Variants in C2orf81 observed in about 807,000 individuals in gnomAD.
C2orf81 encodes the protein chromosome 2 open reading frame 81.
In C2orf81, 5 loss-of-function variants were observed where a neutral mutation model predicts 7.9. The observed-to-expected ratio is 0.63, with a 90% CI of 0.33 to 1.33. C2orf81 has a LOEUF of 1.33. C2orf81 is among the 40% of genes most tolerant of loss of function. The probability of loss-of-function intolerance (pLI) is 0.05; values close to 1 mark genes in which losing one functional copy is unlikely to be tolerated. For missense variants in C2orf81, 781 were observed against 830.4 expected, an observed-to-expected ratio of 0.94 and a Z score of 0.73; for synonymous variants, 346 against 367.4, an observed-to-expected ratio of 0.94 and a Z score of 0.66.
chr2:74,417,702 G>A (rs1273236325), intron 1 of C2orf81: 1 of 576,064 alleles, frequency 1.7e-6, no homozygotes, highest in Non-Finnish European at 2.8e-6. Flanking sequence ...CCCCTTTTAA[G>A]ACCAGGGGAA....
In C2orf81 at chr2:74,421,595, C is replaced by T. The variant is rs931452151; in HGVS notation, c.-35G>A. On this transcript the variant is annotated 5_prime_UTR_variant, in exon 1 of 3. Transcript: ENST00000684111. ...GGTCGCAGCAACGCTGGTGTTTCTG[C>T]TGCATCCGGGCCGCGTAAGCCACCT... 3.7e-5 allele frequency: 16 copies of T among 428,424 alleles called. No individual in the cohort carries two copies. Among genetic ancestry groups the T allele is most frequent in the Admixed American group, 2.2e-4 (5 of 23,230 alleles). 26.5% of individuals were successfully genotyped at this position (428,424 alleles called of 1,614,324 possible).
rs1311098995 is a variant in C2orf81 at position 74,416,141 on chromosome 2, C to G, written c.119G>C (p.Gly40Ala). ...VPVPQVDIVPGRLSEAEWMAL... is the reference protein window; with the variant it reads ...VPVPQVDIVPARLSEAEWMAL... ...CATCCACTCGGCCTCACTGAGCCGC[C>G]CAGGCACAATATCCACCTGCGGCAC... Residue 40 changes from glycine (G) to alanine (A), a missense_variant, in exon 2 of 3, where the codon GGG (glycine) becomes GCG (alanine). Gly to Ala is a moderately conservative substitution (Grantham distance 60). Transcript: ENST00000684111. The G allele has an allele frequency of 1.5e-5, 23 of 1,520,208 alleles. No individual in the cohort carries two copies. Among genetic ancestry groups the G allele is most frequent in the Non-Finnish European group, 1.9e-5 (21 of 1,127,554 alleles). 94.2% of individuals were successfully genotyped at this position (1,520,208 alleles called of 1,614,324 possible).
In C2orf81 at chr2:74,414,879, G is replaced by GCTGCC; in HGVS notation, c.1293_1297dup (p.Ala433GlyfsTer27). 4 of 1,548,286 alleles carry GCTGCC rather than the reference G, an allele frequency of 2.6e-6. No individual in the cohort carries two copies. Among genetic ancestry groups the GCTGCC allele is most frequent in the Non-Finnish European group, 3.5e-6 (4 of 1,144,748 alleles). On this transcript the variant is annotated frameshift_variant, in exon 3 of 3. Transcript: ENST00000684111. LOFTEE classifies it low-confidence loss of function (END_TRUNC). This position sits in a 1 kb window ranked among gnomAD's most constrained non-coding sequence, Gnocchi z 5.3. ...AATGCCTGGCCGGAGAGGGAAGAAC[G>GCTGCC]CTGCCGGGGAGACACGGGTGCCGGG...
intron 1 of C2orf81, chr2:74,418,366 C>T (rs767576045): frequency 6.3e-6 from 10 of 1,596,242 alleles, no homozygotes; most frequent in Admixed American, 3.3e-5. Context: ...CGGCCTGCCA[C>T]GGCCCCGCTT....
chr2:74,420,284 A>G (rs2103843245), intron 1 of C2orf81, among the ~76,000 whole-genome samples: 1 of 150,564 alleles, frequency 6.6e-6, no homozygotes, highest in South Asian at 2.1e-4. Context: ...TTTTGTAATC[A>G]CTTAAAAAAA....
rs1403408434 is a variant in C2orf81 at position 74,415,179 on chromosome 2, A to G, written c.998T>C (p.Val333Ala). 1.3e-6 allele frequency: 2 copies of G among 1,489,880 alleles called. No homozygotes were observed. Among genetic ancestry groups the G allele is most frequent in the African/African-American group, 4.5e-5 (2 of 44,502 alleles). 92.3% of individuals were successfully genotyped at this position (1,489,880 alleles called of 1,614,324 possible). A position where few individuals can be genotyped will look rare whatever the true frequency, so the allele number is the denominator to read the frequency against. The change falls in exon 3 of 3, where the codon GTG becomes GCG. Residue 333 changes from valine (V) to alanine (A), a missense_variant. Transcript: ENST00000684111. This position sits in a 1 kb window ranked among gnomAD's most constrained non-coding sequence, Gnocchi z 5.5. ...GVPCIASGVL[V>A]SYPSVGGATR... ...GGCGCCGCCCACAGAGGGGTAGGAC[A>G]CCAACACGCCCGAGGCGATGCAGGG...
At position 74,416,924 on chromosome 2, in the gene C2orf81, G is replaced by C. The variant is rs1029916927; in HGVS notation, c.19-683C>G. ...ATGGCTACCCCTCCCTGACAGACCC[G>C]GGGGAGCAGGTGGCCCCTACATGCT... On this transcript the variant is annotated intron_variant, in intron 1 of 2. Transcript: ENST00000684111. 3.9e-5 allele frequency among the ~76,000 whole-genome samples: 6 copies of C among 152,066 alleles called. No individual in the cohort carries two copies. In the South Asian group the frequency reaches 6.2e-4, roughly 16 times the overall value.
chr2:74,418,042 A>C, intron 1 of C2orf81: 1 of 412,972 alleles, frequency 2.4e-6, no homozygotes, highest in Non-Finnish European at 4.4e-6. Flanking sequence ...GGCGGTGGTG[A>C]TGGTGGGTGT....
At chr2:74,417,257 T>G (rs1007534608) in intron 1 of C2orf81, 26 of 622,052 alleles carry the variant, frequency 4.2e-5, no homozygotes, top group East Asian at 8.2e-5. Flanking sequence ...GTGGGAAGGG[T>G]GAGCTCCTTG....
At chr2:74,416,578 A>G (rs967742165) in intron 1 of C2orf81, 2 of 158,366 alleles carry the variant, frequency 1.3e-5, no homozygotes, top group African/African-American at 4.9e-5. Flanking sequence ...AAAAAAAAAA[A>G]AAAAAAAAAA....
chr2:74,418,022 G>A (rs1224082171), intron 1 of C2orf81: 3 of 515,166 alleles, frequency 5.8e-6, no homozygotes, highest in Non-Finnish European at 1.1e-5. Flanking sequence ...AGATGAGGGT[G>A]GTGGCTGGAG....
rs1426878549 is a variant in C2orf81 at position 74,416,185 on chromosome 2, C to T, written c.75G>A (p.Val25=). The change falls in exon 2 of 3, where the codon GTG becomes GTA. Residue 25 remains valine, a synonymous_variant. Coordinates refer to ENST00000684111, the MANE Select transcript of C2orf81 (RefSeq NM_001316764.3). ...RGVTRSKAEK[V]RPPTVPVPQV... is the part of the protein sequence containing the mutation. ...GCGGCACTGGCACAGTGGGCGGCCGCACTTTTTCCGCCTTGGACCGGGTCA... is the reference window on the plus strand; with the variant it reads ...GCGGCACTGGCACAGTGGGCGGCCGTACTTTTTCCGCCTTGGACCGGGTCA... The T allele has an allele frequency of 2.7e-6, 4 of 1,458,250 alleles. No homozygotes were observed. Among genetic ancestry groups the T allele is most frequent in the Non-Finnish European group, 3.7e-6 (4 of 1,089,338 alleles). 90.3% of individuals were successfully genotyped at this position (1,458,250 alleles called of 1,614,324 possible).
intron 1 of C2orf81, among the ~76,000 whole-genome samples, chr2:74,420,453 G>A (rs750251930): frequency 6.6e-5 from 10 of 152,092 alleles, no homozygotes; most frequent in Non-Finnish European, 1.3e-4. Context: ...CTATTGCCCC[G>A]CTAAAACCTT....
chr2:74,414,538 G>A lies in C2orf81; in HGVS notation c.1639C>T (p.Pro547Ser), dbSNP rs1034976985. The change falls in exon 3 of 3, where the codon CCC (proline) becomes TCC (serine). Residue 547 changes from proline (P) to serine (S), a missense_variant. By Grantham distance (74) the Pro-to-Ser change is moderately conservative. Transcript: ENST00000684111. The surrounding 1 kb of genome is among the most constrained non-coding windows in gnomAD (Gnocchi z 5.3). ...QDPGRWPRTT[P>S]PVLEATSQVM... ...TGGGAAGTGGCTTCAAGGACCGGGGGTGTGGTTCGAGGCCATCTGCCAGGA... is the reference window on the plus strand; with the variant it reads ...TGGGAAGTGGCTTCAAGGACCGGGGATGTGGTTCGAGGCCATCTGCCAGGA... 1.9e-6 allele frequency: 3 copies of A among 1,543,432 alleles called. No individual in the cohort carries two copies. The highest frequency in any genetic ancestry group is 1.4e-5 in the African/African-American group (1 of 73,076).
rs766344378 is a variant in C2orf81 at position 74,415,377 on chromosome 2, G to C, written c.800C>G (p.Ala267Gly). 2 of 1,516,906 alleles carry C rather than the reference G, an allele frequency of 1.3e-6. No homozygotes were observed. The highest frequency in any genetic ancestry group is 1.2e-5 in the South Asian group (1 of 80,438). The allele number at this position is 1,516,906 out of a possible 1,614,324, so 94.0% of individuals were successfully genotyped here. Residue 267 changes from alanine (A) to glycine (G), a missense_variant, in exon 3 of 3, where the codon GCG (alanine) becomes GGG (glycine). Physicochemically the swap from Ala to Gly is moderately conservative, Grantham distance 60. Coordinates refer to ENST00000684111, the MANE Select transcript of C2orf81 (RefSeq NM_001316764.3). The surrounding 1 kb of genome is among the most constrained non-coding windows in gnomAD (Gnocchi z 5.5). ...SASFQLSVEE[A>G]PADDADPSLD... ...AGAAGGGTCGGCATCGTCGGCAGGC[G>C]CCTCCTCCACCGACAGTTGGAAGCT...
At position 74,415,934 on chromosome 2, in the gene C2orf81, A is replaced by C. The variant is rs1676453583; in HGVS notation, c.250-7T>G. ...TGATGGTGAATGGAATGCACTGCGG[A>C]GGCGAGAGAGGATCTCAGGTCGGCA... On this transcript the variant is annotated splice_polypyrimidine_tract_variant and splice_region_variant and intron_variant, in intron 2 of 2. Coordinates refer to ENST00000684111, the MANE Select transcript of C2orf81 (RefSeq NM_001316764.3). The surrounding 1 kb of genome is among the most constrained non-coding windows in gnomAD (Gnocchi z 5.5). 7.1e-6 allele frequency: 11 copies of C among 1,546,258 alleles called. No homozygotes were observed. The highest frequency in any genetic ancestry group is 9.6e-6 in the Non-Finnish European group (11 of 1,142,876).
Position 74,416,067 on chromosome 2 carries a change from C to T in C2orf81, c.193G>A (p.Ala65Thr). ...EGEDVVGDIL[A>T]DLLARVMDSA... ...TCCATGACTCGAGCCAGCAAGTCGG[C>T]CAAGATGTCCCCTACGACGTCCTCG... Residue 65 changes from alanine (A) to threonine (T), a missense_variant, in exon 2 of 3, where the codon GCC (alanine) becomes ACC (threonine). Coordinates refer to ENST00000684111, the MANE Select transcript of C2orf81 (RefSeq NM_001316764.3). The T allele has an allele frequency of 6.5e-7, 1 of 1,549,090 alleles. No individual in the cohort carries two copies. Among genetic ancestry groups the T allele is most frequent in the Non-Finnish European group, 8.7e-7 (1 of 1,146,092 alleles).
Position 74,415,515 on chromosome 2 carries a change from G to C in C2orf81, c.662C>G (p.Thr221Arg), listed in dbSNP as rs1558527832. 5.8e-6 allele frequency: 9 copies of C among 1,544,902 alleles called. No homozygotes were observed. Among genetic ancestry groups the C allele is most frequent in the African/African-American group, 1.4e-5 (1 of 73,020 alleles). ...SWEPSPQLRV[T>R]SAPPPTSELF... ...CTCTGATGTGGGAGGAGGGGCCGAC[G>C]TGACTCTCAGCTGCGGAGAAGGCTC... is the stretch of plus-strand genomic sequence containing the variant. Residue 221 changes from threonine (T) to arginine (R), a missense_variant, in exon 3 of 3, where the codon ACG (threonine) becomes AGG (arginine). By Grantham distance (71) the Thr-to-Arg change is moderately conservative (BLOSUM62 -1). Coordinates refer to ENST00000684111, the MANE Select transcript of C2orf81 (RefSeq NM_001316764.3). The surrounding 1 kb of genome is among the most constrained non-coding windows in gnomAD (Gnocchi z 5.5).
chr2:74,418,902 C>T (rs570676049), intron 1 of C2orf81, among the ~76,000 whole-genome samples: 4 of 151,890 alleles, frequency 2.6e-5, no homozygotes, highest in Non-Finnish European at 5.9e-5. Flanking sequence ...AAAAAATGGC[C>T]GGGCGCAGTG....
Sources: gnomAD v4.1 joint callset for allele counts (sites outside exome capture counted in the v4.1 genomes callset) on GRCh38, gnomAD v4.1.1 for gene constraint, Gnocchi (gnomAD v3.1) non-coding constraint, MANE v1.5 for transcripts, NCBI Gene and HGNC (gene_info 2026-07-23, HGNC 2026-07-21) for gene names.